FOXK2: variants seen among roughly 807,000 people sequenced by gnomAD.
The protein encoded by FOXK2 is forkhead box K2.
FOXK2 carries 24 observed loss-of-function variants against 53.3 expected under a neutral mutation model. The ratio of observed to expected loss-of-function variants is 0.45; its 90% CI spans 0.33 to 0.63. The LOEUF (loss-of-function observed/expected upper bound fraction) is 0.63, where lower values mean the gene tolerates loss of function less well. Ranked by LOEUF, FOXK2 falls within the 30% of genes least tolerant of loss-of-function variation. FOXK2 has a pLI of 0.03. For missense variants in FOXK2, 952 were observed against 910.5 expected (o/e 1.05, Z -0.59); for synonymous variants, 505 against 407.1 (o/e 1.24, Z -2.89).
chr17:82,522,207 C>G (rs1377880540), intron 1 of FOXK2, among the ~76,000 whole-genome samples: 1 of 151,816 alleles, frequency 6.6e-6, no homozygotes, highest in African/African-American at 2.4e-5. Flanking sequence ...ACTGCAGCCT[C>G]AAACTTCTGG....
chr17:82,538,740 C>T (rs1043407985), intron 1 of FOXK2, among the ~76,000 whole-genome samples: 4 of 152,180 alleles, frequency 2.6e-5, no homozygotes, highest in Non-Finnish European at 5.9e-5. Context: ...CCTCAAGCCC[C>T]TCACTGTCAC....
intron 1 of FOXK2, among the ~76,000 whole-genome samples, chr17:82,554,401 C>T (rs2044704023): frequency 6.6e-6 from 1 of 152,148 alleles, no homozygotes; most frequent in South Asian, 2.1e-4. Flanking sequence ...GACCATTGGC[C>T]TGCACGTTGC....
intron 8 of FOXK2, chr17:82,593,647 A>C (rs1476749973): frequency 6.6e-6 from 1 of 152,284 alleles, no homozygotes; most frequent in African/African-American, 2.4e-5. Context: ...GCATCGGCAC[A>C]GAGCAGGACA....
rs191998042 is a variant in FOXK2, at chr17:82,559,513, C to T, written c.420-3841C>T. ...AGGGTGGGTGGTCCTGGGAACACGTCCCCACGTGGGACGGGCTGCTCATTA... is the reference window on the plus strand; with the variant it reads ...AGGGTGGGTGGTCCTGGGAACACGTTCCCACGTGGGACGGGCTGCTCATTA... On this transcript the variant is annotated intron_variant, in intron 1 of 8. Coordinates refer to ENST00000335255, the MANE Select transcript of FOXK2 (RefSeq NM_004514.4). 4.4e-3 allele frequency: 2,010 copies of T among 456,248 alleles called. 12 individuals carry two copies. Among genetic ancestry groups the T allele is most frequent in the Non-Finnish European group, 6.3e-3 (1,438 of 226,928 alleles). 28.3% of individuals were successfully genotyped at this position (456,248 alleles called of 1,614,324 possible).
chr17:82,554,094 A>G (rs1462641303), intron 1 of FOXK2, among the ~76,000 whole-genome samples: 1 of 152,160 alleles, frequency 6.6e-6, no homozygotes, highest in African/African-American at 2.4e-5. Context: ...GGCCTCCCAA[A>G]GTGCTGGGAT....
intron 4 of FOXK2, among the ~76,000 whole-genome samples, chr17:82,581,219 T>G (rs1385488063): frequency 6.6e-6 from 1 of 152,228 alleles, no homozygotes; most frequent in East Asian, 1.9e-4. Flanking sequence ...ACGAAATGTT[T>G]CTATGAACCC....
chr17:82,549,534 C>T (rs757899238), intron 1 of FOXK2, among the ~76,000 whole-genome samples: 3 of 151,682 alleles, frequency 2.0e-5, no homozygotes, highest in Non-Finnish European at 4.4e-5. Context: ...AAATTATTCT[C>T]CTTATTACAG....
At position 82,568,189 on chromosome 17, in the gene FOXK2, A is replaced by C. The variant is rs745486609; in HGVS notation, c.750A>C (p.Gly250=). 2.9e-5 allele frequency: 46 copies of C among 1,612,468 alleles called. No homozygotes were observed. The highest frequency in any genetic ancestry group is 3.6e-5 in the Non-Finnish European group (43 of 1,179,928). ...AAAATGAAAAGGAAGCTTCAGGTGG[A>C]GACAGCCCGAAGGTAAAGGCTTTGT... ...QPENEKEASG[G]DSPKDDSKPP... is the part of the protein sequence containing the mutation. Residue 250 remains glycine (G), a synonymous_variant, in exon 3 of 9, where the codon GGA becomes GGC. Coordinates refer to ENST00000335255, the MANE Select transcript of FOXK2 (RefSeq NM_004514.4).
At chr17:82,577,197 TA>T (rs2044998370) in intron 4 of FOXK2, 1 of 1,065,480 alleles carries the variant, frequency 9.4e-7, no homozygotes, top group African/African-American at 1.6e-5. Flanking sequence ...ATGTATTCAT[TA>T]AAAATAGGTG....
intron 8 of FOXK2, chr17:82,587,690 C>T (rs1474774646): frequency 1.1e-5 from 3 of 279,222 alleles, no homozygotes; most frequent in Non-Finnish European, 1.4e-5. Context: ...AGAGTCCGTC[C>T]GAGGCCGGTG....
chr17:82,533,363 G>A (rs973884976), intron 1 of FOXK2, among the ~76,000 whole-genome samples: 2 of 152,004 alleles, frequency 1.3e-5, no homozygotes, highest in African/African-American at 4.8e-5. Context: ...GGTAGCACAC[G>A]CCTGTAATCC....
In FOXK2 at chr17:82,601,445, C is replaced by G; in HGVS notation, c.1929C>G (p.Ala643=). The G allele has an allele frequency of 2.5e-6, 4 of 1,612,592 alleles. No individual in the cohort carries two copies. The highest frequency in any genetic ancestry group is 3.4e-6 in the Non-Finnish European group (4 of 1,179,924). Residue 643 remains alanine (A), a synonymous_variant, in exon 9 of 9, where the codon GCC becomes GCG. Transcript: ENST00000335255. The part of the protein sequence containing the change: ...KTEDGEGIVI[A]LSVDTPPAAV... ...AAGACGGCGAGGGCATCGTCATTGC[C>G]CTGAGCGTGGACACGCCACCGGCAG...
chr17:82,595,724 G>T, intron 8 of FOXK2: 1 of 1,262,026 alleles, frequency 7.9e-7, no homozygotes. Context: ...TATTCCCTGG[G>T]CCCTAAAAGT....
rs1195680725 is a variant in FOXK2, at chr17:82,603,896, A to G, written c.*2397A>G. 1.3e-5 allele frequency: 2 copies of G among 152,158 alleles called. No homozygotes were observed. The highest frequency in any genetic ancestry group is 4.8e-5 in the African/African-American group (2 of 41,412). The allele number at this position is 152,158 out of a possible 1,614,324, so 9.4% of individuals were successfully genotyped here. ...AATATCGAAGCGAGAGCAGTAACAA[A>G]CCATAGATGAGCAGACTCCCACACC... On this transcript the variant is annotated 3_prime_UTR_variant, in exon 9 of 9. Transcript: ENST00000335255.
At chr17:82,557,952 C>T (rs2044749659) in intron 1 of FOXK2, among the ~76,000 whole-genome samples, 1 of 152,194 alleles carries the variant, frequency 6.6e-6, no homozygotes, top group Non-Finnish European at 1.5e-5. Flanking sequence ...CGCGTCTGGC[C>T]CCTTTCCTCA....
chr17:82,596,024 G>A (rs977171030), intron 8 of FOXK2: 72 of 1,145,776 alleles, frequency 6.3e-5, no homozygotes, highest in Admixed American at 8.0e-5. Flanking sequence ...GTCACACTGC[G>A]CGTCTGTGCA....
chr17:82,573,488 C>T (rs118135482), intron 4 of FOXK2, among the ~76,000 whole-genome samples: 2,318 of 151,932 alleles, frequency 0.015, 44 homozygotes, highest in East Asian at 0.073. Context: ...GCCGTATTTA[C>T]TCTATAAAAC....
intron 8 of FOXK2, among the ~76,000 whole-genome samples, chr17:82,595,535 T>A (rs1315306961): frequency 1.3e-5 from 2 of 152,098 alleles, no homozygotes; most frequent in Non-Finnish European, 2.9e-5. Context: ...ACTCCTAGGT[T>A]CAAGTGATTC....
chr17:82,584,218 C>A (rs756512375), intron 6 of FOXK2, 30 bp downstream of exon 6: 1 of 1,554,368 alleles, frequency 6.4e-7, no homozygotes, highest in Non-Finnish European at 8.7e-7. Context: ...AGCGAGGGCC[C>A]CAACAGCGTG....
Sources: gnomAD v4.1 joint callset for allele counts (sites outside exome capture counted in the v4.1 genomes callset) on GRCh38, gnomAD v4.1.1 for gene constraint, MANE v1.5 for transcripts, NCBI Gene and HGNC (gene_info 2026-07-23, HGNC 2026-07-21) for gene names.